QTGAL: variants seen among roughly 807,000 people sequenced by gnomAD.
QTGAL encodes queuosine-tRNA galactosyltransferase.
At chr17:83,019,593 T>TGGAGGC in the QTGAL span, among the ~76,000 whole-genome samples, 2 of 152,300 alleles carry the variant, frequency 1.3e-5, no homozygotes, top group Non-Finnish European at 2.9e-5. Context: ...GGGAAAGATC[T>TGGAGGC]GGAGGCGGAG....
At chr17:82,963,423 C>T in the QTGAL span, among the ~76,000 whole-genome samples, 7 of 152,166 alleles carry the variant, frequency 4.6e-5, no homozygotes, top group Non-Finnish European at 8.8e-5. Context: ...TTGGAGTCCG[C>T]GGAACGCAGG....
the QTGAL span, among the ~76,000 whole-genome samples, chr17:83,032,103 C>T: frequency 7.0e-6 from 1 of 142,874 alleles, no homozygotes; most frequent in Admixed American, 6.9e-5. Flanking sequence ...CCAGGCCAGG[C>T]CTCCGACCCA....
At chr17:83,008,821 C>T in the QTGAL span, among the ~76,000 whole-genome samples, 1 of 151,756 alleles carries the variant, frequency 6.6e-6, no homozygotes, top group Non-Finnish European at 1.5e-5. Context: ...TGCCGCCGAG[C>T]GAGTGCGCAG....
chr17:82,971,506 A>C, the QTGAL span, among the ~76,000 whole-genome samples: 1 of 152,114 alleles, frequency 6.6e-6, no homozygotes, highest in Non-Finnish European at 1.5e-5. Flanking sequence ...CCGAGTGGGA[A>C]ACCAAGGCGA....
the QTGAL span, among the ~76,000 whole-genome samples, chr17:83,028,482 G>A: frequency 2.9e-5 from 4 of 136,176 alleles, no homozygotes; most frequent in South Asian, 4.8e-4. Flanking sequence ...CCGAGATTGC[G>A]CCACTGCACT....
At chr17:83,008,829 C>T in the QTGAL span, among the ~76,000 whole-genome samples, 2 of 151,806 alleles carry the variant, frequency 1.3e-5, no homozygotes, top group Admixed American at 6.5e-5. Flanking sequence ...AGCGAGTGCG[C>T]AGGCTCCAGA....
the QTGAL span, among the ~76,000 whole-genome samples, chr17:82,995,455 T>G: frequency 6.6e-6 from 1 of 151,728 alleles, no homozygotes; most frequent in African/African-American, 2.4e-5. Context: ...TGATCTTGGC[T>G]CACTGCAACC....
At chr17:82,984,766 G>A in the QTGAL span, among the ~76,000 whole-genome samples, 1 of 152,276 alleles carries the variant, frequency 6.6e-6, no homozygotes, top group Admixed American at 6.5e-5. Flanking sequence ...GGACGGCGGG[G>A]AAGCAGGGAT....
At chr17:83,021,467 A>G in the QTGAL span, among the ~76,000 whole-genome samples, 2 of 152,336 alleles carry the variant, frequency 1.3e-5, no homozygotes, top group South Asian at 2.1e-4. Flanking sequence ...ATTTTATTAA[A>G]TGTTGAAGAC....
the QTGAL span, chr17:83,005,672 C>T: frequency 1.4e-6 from 1 of 704,558 alleles, no homozygotes; most frequent in East Asian, 2.7e-5. The surrounding 1 kb of genome is among the most constrained non-coding windows in gnomAD (Gnocchi z 5.6). Context: ...AGCAGCGTCC[C>T]TAAGTGGAGA....
At chr17:83,039,846 G>C in the QTGAL span, among the ~76,000 whole-genome samples, 2 of 152,184 alleles carry the variant, frequency 1.3e-5, no homozygotes, top group East Asian at 3.9e-4. Context: ...AGAAGAGCTG[G>C]GGCCAGGAGC....
the QTGAL span, among the ~76,000 whole-genome samples, chr17:82,959,133 TTG>T: frequency 3.3e-5 from 5 of 150,526 alleles, no homozygotes; most frequent in Admixed American, 6.6e-5. Context: ...GGGGTGTATG[TTG>T]TGTGTGCACA....
chr17:82,965,624 G>T, the QTGAL span: 2 of 1,567,196 alleles, frequency 1.3e-6, no homozygotes, highest in Non-Finnish European at 1.7e-6. Flanking sequence ...CTGGGGGAGG[G>T]ACCTGATTCC....
chr17:83,027,303 T>C, the QTGAL span, among the ~76,000 whole-genome samples: 17 of 152,220 alleles, frequency 1.1e-4, no homozygotes, highest in Non-Finnish European at 2.9e-5. Context: ...CAATAAATGG[T>C]GCTGGGACTG....
At chr17:82,999,539 C>T in the QTGAL span, among the ~76,000 whole-genome samples, 3 of 152,260 alleles carry the variant, frequency 2.0e-5, no homozygotes, top group Admixed American at 1.3e-4. Flanking sequence ...GGAAGCCTTA[C>T]CGATAACATC....
chr17:82,962,521 T>TC, the QTGAL span, among the ~76,000 whole-genome samples: 912 of 142,474 alleles, frequency 6.4e-3, 18 homozygotes, highest in African/African-American at 0.022. Flanking sequence ...GGGTGGAGGC[T>TC]CCCGCGGGTG....
At chr17:83,000,933 T>C in the QTGAL span, among the ~76,000 whole-genome samples, 2 of 151,874 alleles carry the variant, frequency 1.3e-5, no homozygotes, top group Non-Finnish European at 2.9e-5. Flanking sequence ...AGGCAGAAAG[T>C]GGGTCATGGT....
At chr17:83,026,186 C>T in the QTGAL span, among the ~76,000 whole-genome samples, 1 of 152,180 alleles carries the variant, frequency 6.6e-6, no homozygotes, top group East Asian at 1.9e-4. Context: ...AAAGTGAACC[C>T]CCCGGAATTC....
the QTGAL span, among the ~76,000 whole-genome samples, chr17:82,950,565 C>T: frequency 9.2e-5 from 14 of 152,200 alleles, no homozygotes; most frequent in African/African-American, 2.4e-4. Context: ...ACTTGGACAA[C>T]GGTTATTCAA....
Sources: allele counts gnomAD v4.1 joint callset (sites outside exome capture counted in the v4.1 genomes callset), GRCh38; gene constraint gnomAD v4.1.1; non-coding constraint Gnocchi (gnomAD v3.1); transcripts MANE v1.5; gene names NCBI Gene and HGNC (gene_info 2026-07-23, HGNC 2026-07-21).